The following RIMS3 variants were observed in gnomAD, a reference collection of about 807,000 sequenced individuals.
RIMS3 encodes regulating synaptic membrane exocytosis protein 3.
RIMS3 carries 15 observed loss-of-function variants against 29.2 expected under a neutral mutation model. That is an observed-to-expected ratio of 0.51 (90% CI 0.34 to 0.79). RIMS3 has a LOEUF of 0.79. Among genes scored for constraint, RIMS3 ranks in the 30% least tolerant of loss-of-function variants. The pLI, the probability that RIMS3 is intolerant of heterozygous loss-of-function variation, is 0.01. For synonymous variants in RIMS3, 161 were observed against 170.1 expected, an observed-to-expected ratio of 0.95 and a Z score of 0.41; for missense variants, 342 against 421.4, an observed-to-expected ratio of 0.81 and a Z score of 1.65.
At chr1:40,629,453 G>C in intron 5 of RIMS3, 81 bp from the exon 6 acceptor site, 1 of 1,124,866 alleles carries the variant, frequency 8.9e-7, no homozygotes, top group Non-Finnish European at 1.4e-6. Flanking sequence ...ATGCCAGCCT[G>C]TGGAGGAGGC....
rs2148340478 is a variant in RIMS3 at position 40,623,236 on chromosome 1, A to C, written c.*3281T>G. 2.5e-6 allele frequency: 1 copy of C among 395,698 alleles called. No homozygotes were observed. Among genetic ancestry groups the C allele is most frequent in the Non-Finnish European group, 4.4e-6 (1 of 224,808 alleles). 24.5% of individuals were successfully genotyped at this position (395,698 alleles called of 1,614,324 possible). A position where few individuals can be genotyped will look rare whatever the true frequency, so the allele number is the denominator to read the frequency against. On this transcript the variant is annotated 3_prime_UTR_variant, in exon 8 of 8. Coordinates refer to ENST00000372684, the MANE Select transcript of RIMS3 (RefSeq NM_014747.3). ...CTTTCCTAGTAGAATTGGGTGGTAGAAGAAACCAGATGGGGAGTCATTTTG... is the reference window on the plus strand; with the variant it reads ...CTTTCCTAGTAGAATTGGGTGGTAGCAGAAACCAGATGGGGAGTCATTTTG...
the RIMS3 span, among the ~76,000 whole-genome samples, chr1:40,682,309 T>C: frequency 6.6e-6 from 1 of 152,218 alleles, no homozygotes; most frequent in Non-Finnish European, 1.5e-5. Flanking sequence ...AGTACCATCA[T>C]ACACTTAGCC....
chr1:40,645,618 TC>T (rs1306710068), intron 2 of RIMS3, among the ~76,000 whole-genome samples: 1 of 152,064 alleles, frequency 6.6e-6, no homozygotes, highest in Non-Finnish European at 1.5e-5. Flanking sequence ...GTCATGAGCA[TC>T]TAAGTTAGGG....
the RIMS3 span, among the ~76,000 whole-genome samples, chr1:40,675,758 CAAAAAA>C: frequency 1.9e-5 from 2 of 107,336 alleles, no homozygotes; most frequent in African/African-American, 3.7e-5. Flanking sequence ...AACTCCATCT[CAAAAAA>C]AAAAAAAAAA....
chr1:40,676,952 A>G, the RIMS3 span, among the ~76,000 whole-genome samples: 11 of 152,124 alleles, frequency 7.2e-5, no homozygotes, highest in South Asian at 2.3e-3. Context: ...ATTTATTTTC[A>G]AATAATGTAA....
Position 40,625,697 on chromosome 1 carries a change from G to A in RIMS3, c.*820C>T, listed in dbSNP as rs948001497. 2 of 152,552 alleles carry A rather than the reference G, an allele frequency of 1.3e-5. No individual in the cohort carries two copies. Among genetic ancestry groups the A allele is most frequent in the Non-Finnish European group, 2.9e-5 (2 of 68,194 alleles). The allele number at this position is 152,552 out of a possible 1,614,324, so 9.4% of individuals were successfully genotyped here. A position where few individuals can be genotyped will look rare whatever the true frequency, so the allele number is the denominator to read the frequency against. On this transcript the variant is annotated 3_prime_UTR_variant, in exon 8 of 8. Coordinates refer to ENST00000372684, the MANE Select transcript of RIMS3 (RefSeq NM_014747.3). ...ACTGGCAGAGCTCCTTCGGCACGGT[G>A]GAGTGGGGAGGCTTGAAGAGACAGG... is the stretch of plus-strand genomic sequence containing the variant.
the RIMS3 span, among the ~76,000 whole-genome samples, chr1:40,671,154 G>A: frequency 6.6e-6 from 1 of 152,162 alleles, no homozygotes; most frequent in Non-Finnish European, 1.5e-5. Context: ...TATTGGTAGT[G>A]GGAGGCTGTA....
rs1458830496 is a variant in RIMS3 at position 40,626,644 on chromosome 1, C to T, written c.800G>A (p.Ser267Asn). ...AQIMLDELDLSAAVTGWYKLF... is the reference protein window; with the variant it reads ...AQIMLDELDLNAAVTGWYKLF... ...TTTGTACCAGCCGGTGACCGCGGCG[C>T]TGAGGTCCAGCTCGTCCAGCATGAT... Residue 267 changes from serine (S) to asparagine (N), a missense_variant, in exon 8 of 8, where the codon AGC (serine) becomes AAC (asparagine). Physicochemically the swap from Ser to Asn is conservative, Grantham distance 46. Transcript: ENST00000372684. 1 of 1,614,130 alleles carries T rather than the reference C, an allele frequency of 6.2e-7. No homozygotes were observed. The highest frequency in any genetic ancestry group is 8.5e-7 in the Non-Finnish European group (1 of 1,180,052).
At position 40,630,393 on chromosome 1, in the gene RIMS3, G is replaced by T. The variant is rs771642654; in HGVS notation, c.473-1021C>A. On this transcript the variant is annotated intron_variant, in intron 5 of 7. Transcript: ENST00000372684. ...GAATTATGTAGTAGTCAGTCACTCA[G>T]AACAAAGTGAAGTCTTTTACAGGGG... is the stretch of plus-strand genomic sequence containing the variant. Among the ~76,000 whole-genome samples the T allele has an allele frequency of 3.9e-5, 6 of 152,198 alleles. No homozygotes were observed. The South Asian group carries it at 8.3e-4, about 21-fold the overall frequency.
rs1268165628 is a variant in RIMS3 at position 40,624,386 on chromosome 1, T to C, written c.*2131A>G. ...TAAAATACCCTTTTGCAACGGAGTTTCCTTCTTGATCCCCCACTAGGGTCG... is the reference window on the plus strand; with the variant it reads ...TAAAATACCCTTTTGCAACGGAGTTCCCTTCTTGATCCCCCACTAGGGTCG... On this transcript the variant is annotated 3_prime_UTR_variant, in exon 8 of 8. Transcript: ENST00000372684. The C allele has an allele frequency of 6.6e-6, 1 of 152,248 alleles. No homozygotes were observed. Among genetic ancestry groups the C allele is most frequent in the Admixed American group, 6.5e-5 (1 of 15,288 alleles). The allele number at this position is 152,248 out of a possible 1,614,324, so 9.4% of individuals were successfully genotyped here.
At chr1:40,677,728 A>T in the RIMS3 span, among the ~76,000 whole-genome samples, 583 of 151,238 alleles carry the variant, frequency 3.9e-3, 18 homozygotes, top group East Asian at 0.083. Context: ...ATAATTAATT[A>T]AAAAAAAAGG....
intron 3 of RIMS3, among the ~76,000 whole-genome samples, chr1:40,638,483 T>A (rs1054113269): frequency 2.6e-5 from 4 of 152,128 alleles, no homozygotes; most frequent in African/African-American, 9.7e-5. Flanking sequence ...ACCAAAAGAC[T>A]CCAGGAACCA....
At chr1:40,645,362 C>T (rs775723711) in intron 2 of RIMS3, among the ~76,000 whole-genome samples, 1 of 152,170 alleles carries the variant, frequency 6.6e-6, no homozygotes, top group Non-Finnish European at 1.5e-5. Flanking sequence ...GATAAGAAAA[C>T]TGAGTCTCAG....
chr1:40,636,918 C>G lies in RIMS3; in HGVS notation c.218-861G>C, dbSNP rs931998799. Among the ~76,000 whole-genome samples, 19 of 152,216 alleles carry G rather than the reference C, an allele frequency of 1.2e-4. No homozygotes were observed. The highest frequency in any genetic ancestry group is 4.6e-4 in the African/African-American group (19 of 41,460). On this transcript the variant is annotated intron_variant, in intron 3 of 7. Coordinates refer to ENST00000372684, the MANE Select transcript of RIMS3 (RefSeq NM_014747.3). This position sits in a 1 kb window ranked among gnomAD's most constrained non-coding sequence, Gnocchi z 4.2. The stretch of plus-strand genomic sequence containing the variant: ...CCTCCTCGGCATTGCAGTGTGGTCC[C>G]TCTAGACACCCTCTCCTCCTGGCGG...
intron 7 of RIMS3, among the ~76,000 whole-genome samples, chr1:40,627,114 A>C (rs1646459475): frequency 6.6e-6 from 1 of 152,102 alleles, no homozygotes; most frequent in Non-Finnish European, 1.5e-5. Flanking sequence ...AGCCTTCCCC[A>C]GGAAGGGGCA....
At chr1:40,690,951 C>G in the RIMS3 span, 2 of 152,226 alleles carry the variant, frequency 1.3e-5, no homozygotes, top group South Asian at 2.1e-4. Context: ...GGGGTTTTGA[C>G]ACTTACTAGC....
chr1:40,683,609 G>C, the RIMS3 span, among the ~76,000 whole-genome samples: 1 of 138,384 alleles, frequency 7.2e-6, no homozygotes, highest in South Asian at 2.3e-4. Context: ...CCAGTCTTTG[G>C]TATTTTGTTA....
rs777785071 is a variant in RIMS3, at chr1:40,628,963, G to C, written c.575-14C>G. On this transcript the variant is annotated splice_polypyrimidine_tract_variant and intron_variant, in intron 6 of 7. Coordinates refer to ENST00000372684, the MANE Select transcript of RIMS3 (RefSeq NM_014747.3). ...TGATATAGGTGGCTAAGGGAGGAGA[G>C]AATGTATGACAGGGAGGGGTCCAGG... 1.2e-6 allele frequency: 2 copies of C among 1,612,834 alleles called. No individual in the cohort carries two copies. Among genetic ancestry groups the C allele is most frequent in the Admixed American group, 3.3e-5 (2 of 60,022 alleles).
At chr1:40,688,053 C>T in the RIMS3 span, among the ~76,000 whole-genome samples, 1 of 152,208 alleles carries the variant, frequency 6.6e-6, no homozygotes, top group African/African-American at 2.4e-5. Context: ...CAACCTCTGC[C>T]TCCCAGGTTC....
Sources: allele counts gnomAD v4.1 joint callset (sites outside exome capture counted in the v4.1 genomes callset), GRCh38; gene constraint gnomAD v4.1.1; non-coding constraint Gnocchi (gnomAD v3.1); transcripts MANE v1.5; gene names NCBI Gene and HGNC (gene_info 2026-07-23, HGNC 2026-07-21).